NAA11: variants seen among roughly 807,000 people sequenced by gnomAD.
The protein encoded by NAA11 is N-alpha-acetyltransferase 11, NatA catalytic subunit.
Under a neutral mutation model 16.1 loss-of-function variants are expected in NAA11, and 15 were observed. The observed-to-expected ratio is 0.93, with a 90% CI of 0.62 to 1.44. The LOEUF is 1.44. NAA11 is among the 40% of genes most tolerant of loss of function. The probability of loss-of-function intolerance (pLI) is 0.00; values close to 1 mark genes in which losing one functional copy is unlikely to be tolerated. For missense variants in NAA11, 298 were observed against 291.3 expected, an observed-to-expected ratio of 1.02 and a Z score of -0.17; for synonymous variants, 122 against 112.4, an observed-to-expected ratio of 1.09 and a Z score of -0.54.
chr4:79,176,493 C>T, the NAA11 span, among the ~76,000 whole-genome samples: 1 of 152,060 alleles, frequency 6.6e-6, no homozygotes, highest in Non-Finnish European at 1.5e-5. Flanking sequence ...AGACAGTCTG[C>T]TGGCAGAGTT....
At chr4:79,246,376 C>CAAAAAAAAAAAAA (rs1560420199) in intron 2 of NAA11, among the ~76,000 whole-genome samples, 54 of 114,110 alleles carry the variant, frequency 4.7e-4, no homozygotes, top group Non-Finnish European at 6.6e-4. Context: ...TCAATAAATA[C>CAAAAAAAAAAAAA]TAAAAAAAAA....
At chr4:79,196,081 T>C in the NAA11 span, 1 of 152,346 alleles carries the variant, frequency 6.6e-6, no homozygotes, top group Non-Finnish European at 1.5e-5. Context: ...ATGCACGCAA[T>C]TTGACCTTAT....
At chr4:79,175,002 A>T in the NAA11 span, among the ~76,000 whole-genome samples, 2 of 152,138 alleles carry the variant, frequency 1.3e-5, no homozygotes, top group South Asian at 2.1e-4. Flanking sequence ...TTCTTGAAGC[A>T]TGTAAGTCCT....
chr4:79,175,278 A>C, the NAA11 span, among the ~76,000 whole-genome samples: 1 of 152,204 alleles, frequency 6.6e-6, no homozygotes, highest in Non-Finnish European at 1.5e-5. Context: ...TTCTACTAGC[A>C]GTGAATAAAA....
At chr4:79,212,386 G>A in the NAA11 span, among the ~76,000 whole-genome samples, 10 of 152,126 alleles carry the variant, frequency 6.6e-5, no homozygotes, top group South Asian at 2.1e-4. Context: ...CTTGAATTAC[G>A]TAGCCTAGTT....
intron 2 of NAA11, among the ~76,000 whole-genome samples, chr4:79,235,086 A>G (rs1308247373): frequency 3.3e-5 from 5 of 152,122 alleles, no homozygotes; most frequent in African/African-American, 1.2e-4. Context: ...TTTTTCATTT[A>G]ACAGCTTAGT....
chr4:79,172,923 C>G, the NAA11 span, among the ~76,000 whole-genome samples: 1 of 152,096 alleles, frequency 6.6e-6, no homozygotes, highest in African/African-American at 2.4e-5. Flanking sequence ...GCACAGAGAG[C>G]TTAAATAACT....
At chr4:79,168,631 G>GCT in the NAA11 span, among the ~76,000 whole-genome samples, 1 of 152,140 alleles carries the variant, frequency 6.6e-6, no homozygotes, top group Non-Finnish European at 1.5e-5. Flanking sequence ...GTGATGATGA[G>GCT]CTCTTTTTCA....
chr4:79,313,794 T>C (rs748268454), downstream of NAA11, among the ~76,000 whole-genome samples: 18 of 152,200 alleles, frequency 1.2e-4, no homozygotes, highest in Admixed American at 2.0e-4. Flanking sequence ...TTTGGCTGGG[T>C]ACTGTGTTCT....
downstream of NAA11, among the ~76,000 whole-genome samples, chr4:79,225,284 G>A (rs964786199): frequency 1.3e-5 from 2 of 151,944 alleles, no homozygotes; most frequent in African/African-American, 4.8e-5. Flanking sequence ...GAGGGGTGGT[G>A]GTTGGGGGCT....
Position 79,228,013 on chromosome 4 carries a change from G to T in NAA11, c.*123-1743C>A, listed in dbSNP as rs190463546. 2.0e-5 allele frequency: 3 copies of T among 152,020 alleles called. No individual in the cohort carries two copies. The East Asian group carries it at 5.8e-4, about 29-fold the overall frequency. The allele number at this position is 152,020 out of a possible 1,614,324, so 9.4% of individuals were successfully genotyped here. On this transcript the variant is annotated intron_variant and NMD_transcript_variant, in intron 2 of 2. Coordinates refer to the NAA11 transcript ENST00000511542. ...CTGTATTAGTTGTCTTTTCCATCTT[G>T]TGGTTTATGGTAAAATTAATAAAAG...
the NAA11 span, among the ~76,000 whole-genome samples, chr4:79,158,481 C>G: frequency 2.0e-5 from 3 of 151,848 alleles, no homozygotes; most frequent in Non-Finnish European, 2.9e-5. Flanking sequence ...CAAATTGAAA[C>G]ACATCCCATG....
rs758821840 is a variant in NAA11 at position 79,316,878 on chromosome 4, T to G, written c.*926A>C. On this transcript the variant is annotated 3_prime_UTR_variant, in exon 2 of 2. Coordinates refer to ENST00000286794, the MANE Select transcript of NAA11 (RefSeq NM_032693.3). ...AATGCAAAGAGTAGGAACAGAAAAG[T>G]AGAAGGAACTTTGGCTTTGAATTCA... 5 of 152,126 alleles carry G rather than the reference T, an allele frequency of 3.3e-5. No individual in the cohort carries two copies. Among genetic ancestry groups the G allele is most frequent in the Non-Finnish European group, 7.4e-5 (5 of 68,000 alleles). The allele number at this position is 152,126 out of a possible 1,614,324, so 9.4% of individuals were successfully genotyped here. A position where few individuals can be genotyped will look rare whatever the true frequency, so the allele number is the denominator to read the frequency against.
At chr4:79,315,428 C>T (rs768355958), downstream of NAA11, among the ~76,000 whole-genome samples, 1 of 152,276 alleles carries the variant, frequency 6.6e-6, no homozygotes, top group South Asian at 2.1e-4. Context: ...GAAAACCACA[C>T]AGACTCTAAC....
chr4:79,168,611 CT>C, the NAA11 span, among the ~76,000 whole-genome samples: 1 of 152,198 alleles, frequency 6.6e-6, no homozygotes, highest in African/African-American at 2.4e-5. Context: ...TTGCATTTCT[CT>C]AATGACTAGT....
the NAA11 span, among the ~76,000 whole-genome samples, chr4:79,196,978 A>AT: frequency 6.7e-6 from 1 of 148,300 alleles, no homozygotes; most frequent in Non-Finnish European, 1.5e-5. Flanking sequence ...AAAAAAAAAA[A>AT]AAAAGAAAGA....
At chr4:79,192,779 T>C in the NAA11 span, among the ~76,000 whole-genome samples, 1 of 149,538 alleles carries the variant, frequency 6.7e-6, no homozygotes, top group African/African-American at 2.4e-5. Flanking sequence ...TATTTCCAGT[T>C]CTAGATCCCT....
chr4:79,232,217 A>G (rs796182714), intron 2 of NAA11, among the ~76,000 whole-genome samples: 2 of 152,082 alleles, frequency 1.3e-5, no homozygotes, highest in African/African-American at 4.8e-5. Context: ...AGTACATGGT[A>G]TAAATAATTC....
the NAA11 span, among the ~76,000 whole-genome samples, chr4:79,208,933 A>AAAAAC: frequency 6.8e-6 from 1 of 148,094 alleles, no homozygotes; most frequent in Non-Finnish European, 1.5e-5. Context: ...GCCAAAAAAA[A>AAAAAC]AAAAAAAAAA....
Sources: allele counts gnomAD v4.1 joint callset (sites outside exome capture counted in the v4.1 genomes callset), GRCh38; gene constraint gnomAD v4.1.1; transcripts MANE v1.5; gene names NCBI Gene and HGNC (gene_info 2026-07-23, HGNC 2026-07-21).